Variants in PRKD1 observed in about 807,000 individuals in gnomAD.
PRKD1 encodes serine/threonine-protein kinase D1.
A neutral mutation model predicts 95.9 loss-of-function variants in PRKD1; 63 were observed. That is an observed-to-expected ratio of 0.66 (90% CI 0.54 to 0.81). The LOEUF is 0.81. Among genes scored for constraint, PRKD1 ranks in the 30% least tolerant of loss-of-function variants. The pLI, the probability that PRKD1 is intolerant of heterozygous loss-of-function variation, is 0.00. For synonymous variants in PRKD1, 425 were observed against 423.1 expected, an observed-to-expected ratio of 1.00 and a Z score of -0.05; for missense variants, 1,048 against 1,165.3, an observed-to-expected ratio of 0.90 and a Z score of 1.47.
At chr14:29,638,601 G>C (rs778343088) in intron 5 of PRKD1, 35 bp from the exon 6 acceptor site, 1 of 1,613,000 alleles carries the variant, frequency 6.2e-7, no homozygotes. Flanking sequence ...AACAAAATGA[G>C]AATTTGTCAT....
intron 1 of PRKD1, among the ~76,000 whole-genome samples, chr14:29,785,381 T>C (rs1889223808): frequency 6.6e-6 from 1 of 152,202 alleles, no homozygotes; most frequent in Non-Finnish European, 1.5e-5. Context: ...TTGTTACTGG[T>C]ATGTAAATAT....
At chr14:29,749,836 A>G (rs1843927392) in intron 1 of PRKD1, among the ~76,000 whole-genome samples, 1 of 152,228 alleles carries the variant, frequency 6.6e-6, no homozygotes, top group Non-Finnish European at 1.5e-5. Flanking sequence ...CATAAATCCA[A>G]TATTTATTTT....
intron 2 of PRKD1, among the ~76,000 whole-genome samples, chr14:29,707,103 T>C (rs945247058): frequency 1.3e-5 from 2 of 152,182 alleles, no homozygotes; most frequent in Admixed American, 1.3e-4. Context: ...CAGGAAGCCA[T>C]ATTGCTGAAG....
intron 1 of PRKD1, among the ~76,000 whole-genome samples, chr14:29,761,180 A>T (rs1372569719): frequency 6.6e-6 from 1 of 152,234 alleles, no homozygotes. Context: ...AATATAGAAG[A>T]CATGCTTCCT....
intron 2 of PRKD1, among the ~76,000 whole-genome samples, chr14:29,705,473 A>G (rs907757199): frequency 4.1e-5 from 6 of 147,882 alleles, no homozygotes; most frequent in African/African-American, 1.5e-4. Flanking sequence ...TTTTGTCTTT[A>G]TTGAGATATA....
At chr14:29,678,631 AT>A (rs1461624855) in intron 2 of PRKD1, among the ~76,000 whole-genome samples, 1 of 152,314 alleles carries the variant, frequency 6.6e-6, no homozygotes, top group East Asian at 1.9e-4. Context: ...TCAAACTCAA[AT>A]TTCAAAGAGT....
At chr14:29,631,135 A>ATTTTATTT in intron 9 of PRKD1, 114 bp from the exon 10 acceptor site, 1 of 1,044,018 alleles carries the variant, frequency 9.6e-7, no homozygotes, top group Non-Finnish European at 1.4e-6. Context: ...CCATTTAAAT[A>ATTTTATTT]AAATACTTTT....
chr14:29,689,991 C>G (rs1884135270), intron 2 of PRKD1, among the ~76,000 whole-genome samples: 1 of 152,092 alleles, frequency 6.6e-6, no homozygotes, highest in South Asian at 2.1e-4. Context: ...GGGAGAGTAT[C>G]AGGAAGAAAA....
chr14:29,599,431 A>G (rs1313502274), intron 14 of PRKD1, among the ~76,000 whole-genome samples: 1 of 152,174 alleles, frequency 6.6e-6, no homozygotes, highest in African/African-American at 2.4e-5. Context: ...ATTTCATGAA[A>G]AGTTTGAATA....
intron 1 of PRKD1, among the ~76,000 whole-genome samples, chr14:29,732,374 C>CACATA (rs1566567666): frequency 1.3e-5 from 2 of 151,644 alleles, no homozygotes; most frequent in Non-Finnish European, 2.9e-5. Flanking sequence ...TCCTATTTCA[C>CACATA]ACACAATGAC....
intron 2 of PRKD1, among the ~76,000 whole-genome samples, chr14:29,704,269 C>T (rs1489231602): frequency 2.0e-5 from 3 of 152,008 alleles, no homozygotes; most frequent in African/African-American, 7.2e-5. Flanking sequence ...AGAAAGGACC[C>T]ACCATGAGAA....
At chr14:29,833,482 A>T (rs1206510944) in intron 1 of PRKD1, among the ~76,000 whole-genome samples, 1 of 152,112 alleles carries the variant, frequency 6.6e-6, no homozygotes, top group East Asian at 1.9e-4. Context: ...CCAAAATGGG[A>T]TGGGCAACTT....
intron 2 of PRKD1, among the ~76,000 whole-genome samples, chr14:29,679,261 G>C (rs765510386): frequency 5.9e-5 from 9 of 152,152 alleles, no homozygotes; most frequent in Non-Finnish European, 8.8e-5. Context: ...CATAACATTA[G>C]CATAAACGAT....
chr14:29,691,141 AAG>A (rs1884208613), intron 2 of PRKD1, among the ~76,000 whole-genome samples: 1 of 152,204 alleles, frequency 6.6e-6, no homozygotes, highest in Non-Finnish European at 1.5e-5. Flanking sequence ...CAGGGCGAGA[AAG>A]AGCCCACTCA....
In PRKD1 at chr14:29,927,382, G is replaced by A. The variant is rs762581027; in HGVS notation, c.131C>T (p.Ala44Val). The change falls in exon 1 of 18, where the codon GCC becomes GTC. Residue 44 changes from alanine to valine, a missense_variant. This residue lies in a region of PRKD1 where 275 missense variants were observed against 248.6 expected (regional missense o/e 1.11). Coordinates refer to ENST00000331968, the MANE Select transcript of PRKD1 (RefSeq NM_002742.3). ...GPAPFLAPVAAPVGGISFHLQ... is the reference protein window; with the variant it reads ...GPAPFLAPVAVPVGGISFHLQ... ...ATGGAACGAGATGCCCCCGACCGGG[G>A]CCGCGACAGGAGCCAAGAACGGCGC... 7 of 1,554,386 alleles carry A rather than the reference G, an allele frequency of 4.5e-6. No homozygotes were observed. The highest frequency in any genetic ancestry group is 2.5e-5 in the East Asian group (1 of 39,236).
At chr14:29,758,623 T>C (rs565347155) in intron 1 of PRKD1, among the ~76,000 whole-genome samples, 100 of 152,342 alleles carry the variant, frequency 6.6e-4, no homozygotes, top group African/African-American at 2.1e-3. Flanking sequence ...AATTCTTCAA[T>C]TGAGCTCTAG....
At chr14:29,623,779 C>T (rs1368538535) in intron 13 of PRKD1, among the ~76,000 whole-genome samples, 1 of 152,124 alleles carries the variant, frequency 6.6e-6, no homozygotes, top group African/African-American at 2.4e-5. Context: ...GACTGATATG[C>T]TGACAGTTAC....
intron 2 of PRKD1, among the ~76,000 whole-genome samples, chr14:29,686,037 C>T (rs1594427118): frequency 2.0e-5 from 3 of 152,100 alleles, no homozygotes; most frequent in South Asian, 4.1e-4. Context: ...GGGGAAGACA[C>T]GATGCCGTTT....
At chr14:29,807,245 C>G (rs1028645748) in intron 1 of PRKD1, among the ~76,000 whole-genome samples, 9 of 152,008 alleles carry the variant, frequency 5.9e-5, no homozygotes, top group African/African-American at 2.2e-4. Flanking sequence ...CCTATTGTGT[C>G]TATGGTTTGA....
Sources: gnomAD v4.1 joint callset for allele counts (sites outside exome capture counted in the v4.1 genomes callset) on GRCh38, gnomAD v4.1.1 for gene constraint, gnomAD v4.1.1 regional missense constraint, MANE v1.5 for transcripts, NCBI Gene and HGNC (gene_info 2026-07-23, HGNC 2026-07-21) for gene names.